The following GRIP1 variants were observed in gnomAD, a reference collection of about 807,000 sequenced individuals.
GRIP1 encodes glutamate receptor interacting protein 1.
In GRIP1, 45 loss-of-function variants were observed where a neutral mutation model predicts 129.9. The ratio of observed to expected loss-of-function variants is 0.35; its 90% CI spans 0.27 to 0.44. The LOEUF is 0.44. Among genes scored for constraint, GRIP1 ranks in the 20% least tolerant of loss-of-function variants. GRIP1 has a pLI of 1.00. For synonymous variants in GRIP1, 530 were observed against 520.8 expected, an observed-to-expected ratio of 1.02 and a Z score of -0.24; for missense variants, 1,196 against 1,396.8, an observed-to-expected ratio of 0.86 and a Z score of 2.29.
intron 1 of GRIP1, among the ~76,000 whole-genome samples, chr12:66,752,404 A>C (rs1427668600): frequency 6.6e-6 from 1 of 152,140 alleles, no homozygotes; most frequent in Non-Finnish European, 1.5e-5. Flanking sequence ...TTTTATAGTA[A>C]ATTAAACCAA....
Position 66,865,188 on chromosome 12 carries a change from C to T in GRIP1, c.58+203862G>A, listed in dbSNP as rs2040181954. On this transcript the variant is annotated intron_variant, in intron 1 of 1. Transcript: ENST00000643019. ...AGGAAGCACGGCAAGAAGACCATTGCTCTAAAATCCAATATGAAAAAAGTT... is the reference window on the plus strand; with the variant it reads ...AGGAAGCACGGCAAGAAGACCATTGTTCTAAAATCCAATATGAAAAAAGTT... Among the ~76,000 whole-genome samples the T allele has an allele frequency of 3.3e-5, 5 of 152,220 alleles. No individual in the cohort carries two copies. The South Asian group carries it at 1.0e-3, about 32-fold the overall frequency.
intron 1 of GRIP1, among the ~76,000 whole-genome samples, chr12:66,839,878 C>T (rs926744440): frequency 6.6e-5 from 10 of 152,200 alleles, no homozygotes; most frequent in Admixed American, 2.0e-4. Flanking sequence ...CATTGCCCCT[C>T]TGTACCAATC....
At chr12:66,912,548 GA>G (rs1479404133) in intron 1 of GRIP1, among the ~76,000 whole-genome samples, 10 of 151,950 alleles carry the variant, frequency 6.6e-5, no homozygotes, top group African/African-American at 2.4e-4. Flanking sequence ...CTTTTTAAGG[GA>G]AAAACAAATA....
chr12:67,003,665 C>T (rs2042583927), intron 1 of GRIP1, among the ~76,000 whole-genome samples: 1 of 151,792 alleles, frequency 6.6e-6, no homozygotes, highest in Admixed American at 6.6e-5. Context: ...TGCACTCCAG[C>T]CTGGGAGACA....
chr12:66,363,175 AT>A (rs2054886626), intron 23 of GRIP1, among the ~76,000 whole-genome samples: 1 of 37,660 alleles, frequency 2.7e-5, no homozygotes, highest in Non-Finnish European at 4.9e-5. Context: ...ACACACACAT[AT>A]ATGTATATAT....
At chr12:66,569,997 CAAT>C (rs1190608065) in intron 2 of GRIP1, among the ~76,000 whole-genome samples, 1 of 151,920 alleles carries the variant, frequency 6.6e-6, no homozygotes, top group African/African-American at 2.4e-5. Context: ...CATGCACAGG[CAAT>C]AATAATAATA....
chr12:66,900,740 G>A (rs559483351), intron 1 of GRIP1, among the ~76,000 whole-genome samples: 21 of 152,212 alleles, frequency 1.4e-4, no homozygotes, highest in African/African-American at 5.1e-4. Flanking sequence ...TAGCCTTCCC[G>A]AAAGCACACC....
At chr12:66,474,587 G>A (rs2138458702) in intron 7 of GRIP1, among the ~76,000 whole-genome samples, 1 of 152,266 alleles carries the variant, frequency 6.6e-6, no homozygotes, top group African/African-American at 2.4e-5. Flanking sequence ...AGAAAGGTCG[G>A]GTTACCCACA....
At chr12:66,764,375 C>CA (rs541368703) in intron 1 of GRIP1, among the ~76,000 whole-genome samples, 35 of 152,286 alleles carry the variant, frequency 2.3e-4, no homozygotes, top group African/African-American at 7.2e-4. Flanking sequence ...CAGCCAAGTG[C>CA]AACCTCAAGG....
intron 11 of GRIP1, among the ~76,000 whole-genome samples, chr12:66,449,039 C>T (rs2058705150): frequency 6.6e-6 from 1 of 152,172 alleles, no homozygotes; most frequent in South Asian, 2.1e-4. Flanking sequence ...ATACTGTGCC[C>T]TCTGCCACTC....
In GRIP1 at chr12:66,371,740, T is replaced by C; in HGVS notation, c.2966A>G (p.Gln989Arg). The change falls in exon 23 of 25, where the codon CAA (glutamine) becomes CGA (arginine). Residue 989 changes from glutamine (Q) to arginine (R), a missense_variant. By Grantham distance (43) the Gln-to-Arg change is conservative. Transcript: ENST00000359742. ...RKSVTLRKMK[Q>R]EIKEIMSPTP... is the part of the protein sequence containing the mutation. ...TGGAGACATGATCTCCTTTATTTCT[T>C]GTTTCATTTTTCTCAGGGTTACTGA... is the stretch of plus-strand genomic sequence containing the variant. 1 of 1,613,872 alleles carries C rather than the reference T, an allele frequency of 6.2e-7. No homozygotes were observed. Among genetic ancestry groups the C allele is most frequent in the Non-Finnish European group, 8.5e-7 (1 of 1,179,768 alleles).
intron 1 of GRIP1, among the ~76,000 whole-genome samples, chr12:66,823,429 G>A (rs987427655): frequency 6.6e-6 from 1 of 152,050 alleles, no homozygotes; most frequent in Admixed American, 6.6e-5. Flanking sequence ...ATAATGTCTA[G>A]CAAAGTACTT....
At chr12:66,895,841 C>T (rs943686778) in intron 1 of GRIP1, among the ~76,000 whole-genome samples, 6 of 152,136 alleles carry the variant, frequency 3.9e-5, no homozygotes, top group African/African-American at 1.2e-4. Context: ...AAAAGCAACA[C>T]TAATACATTT....
rs2061435106 is a variant in GRIP1 at position 66,531,234 on chromosome 12, T to C, written c.419-1320A>G. ...CTGGGTGACAGAGTGAGACTCTGTC[T>C]CAAAAAAAAAAAAAAAAAATATATA... On this transcript the variant is annotated intron_variant, in intron 4 of 24. Coordinates refer to ENST00000359742, the MANE Select transcript of GRIP1 (RefSeq NM_001366722.1). Among the ~76,000 whole-genome samples the C allele has an allele frequency of 1.6e-4, 7 of 43,290 alleles. No homozygotes were observed. The South Asian group carries it at 6.1e-3, about 38-fold the overall frequency. 28.4% of individuals were successfully genotyped at this position (43,290 alleles called of 152,430 possible).
intron 1 of GRIP1, among the ~76,000 whole-genome samples, chr12:67,065,621 T>C (rs1023078616): frequency 6.6e-6 from 1 of 152,208 alleles, no homozygotes. Context: ...AAAAAGTATG[T>C]TTGCAGAAAC....
chr12:66,579,775 A>G (rs1198736907), intron 2 of GRIP1, among the ~76,000 whole-genome samples: 1 of 151,854 alleles, frequency 6.6e-6, no homozygotes, highest in African/African-American at 2.4e-5. Context: ...CCAAATCTAC[A>G]TCTGATTGGT....
intron 2 of GRIP1, chr12:66,563,977 T>A (rs2062635945): frequency 6.5e-6 from 1 of 153,334 alleles, no homozygotes; most frequent in Non-Finnish European, 1.5e-5. Context: ...AGCACCAAGA[T>A]AATTCAGTAA....
chr12:66,855,635 T>C (rs2039990258), intron 1 of GRIP1, among the ~76,000 whole-genome samples: 1 of 152,102 alleles, frequency 6.6e-6, no homozygotes, highest in Non-Finnish European at 1.5e-5. Context: ...TTTACAAGGA[T>C]ATTGTAGATC....
chr12:66,980,960 T>A (rs1198293712), intron 1 of GRIP1, among the ~76,000 whole-genome samples: 1 of 152,332 alleles, frequency 6.6e-6, no homozygotes, highest in East Asian at 1.9e-4. Context: ...AAAGGACCCA[T>A]GTTTAACATA....
Sources: gnomAD v4.1 joint callset for allele counts (sites outside exome capture counted in the v4.1 genomes callset) on GRCh38, gnomAD v4.1.1 for gene constraint, MANE v1.5 for transcripts, NCBI Gene and HGNC (gene_info 2026-07-23, HGNC 2026-07-21) for gene names.